CDH19: variants seen among roughly 807,000 people sequenced by gnomAD.
The protein encoded by CDH19 is cadherin 19.
CDH19 carries 67 observed loss-of-function variants against 64.2 expected under a neutral mutation model. The ratio of observed to expected loss-of-function variants is 1.04; its 90% confidence interval spans 0.86 to 1.28. The LOEUF is 1.28. CDH19 is among the 50% of genes most tolerant of loss of function. The pLI is 0.00. For synonymous variants in CDH19, 346 were observed against 319.3 expected, an observed-to-expected ratio of 1.08 and a Z score of -0.89; for missense variants, 1,030 against 929.0, an observed-to-expected ratio of 1.11 and a Z score of -1.41.
chr18:66,601,587 G>C (rs1989038357), intron 1 of CDH19, among the ~76,000 whole-genome samples: 1 of 151,934 alleles, frequency 6.6e-6, no homozygotes, highest in African/African-American at 2.4e-5. Context: ...TTAATCTTAA[G>C]ACATACTTGG....
intron 4 of CDH19, among the ~76,000 whole-genome samples, chr18:66,552,458 G>A: frequency 7.8e-6 from 1 of 127,504 alleles, no homozygotes; most frequent in South Asian, 2.5e-4. Flanking sequence ...TTTAGTTGCG[G>A]ACTAAAGTGT....
Position 66,504,789 on chromosome 18 carries a change from A to T in CDH19, c.*23T>A. On this transcript the variant is annotated 3_prime_UTR_variant, in exon 12 of 12. Transcript: ENST00000262150. ...GGTTCGAATACACATTAGCACTTTT[A>T]AAAATTTTGATGGTAAAAAGCCCTA... The T allele has an allele frequency of 6.4e-7, 1 of 1,571,832 alleles. No individual in the cohort carries two copies. The highest frequency in any genetic ancestry group is 8.7e-7 in the Non-Finnish European group (1 of 1,155,968).
rs534007577 is a variant in CDH19 at position 66,600,370 on chromosome 18, T to A, written c.-113+3584A>T. Among the ~76,000 whole-genome samples the A allele has an allele frequency of 4.5e-4, 68 of 151,942 alleles. 1 individual carries two copies. The highest frequency in any genetic ancestry group is 1.5e-3 in the African/African-American group (64 of 41,546). On this transcript the variant is annotated intron_variant, in intron 1 of 11. Coordinates refer to ENST00000262150, the MANE Select transcript of CDH19 (RefSeq NM_021153.4). ...ATATTTAAGGGTCAGTTAAGTAATG[T>A]CTTGCTGAGATTTTTAATATTTAAC...
At chr18:66,580,909 C>A (rs11877408) in intron 1 of CDH19, among the ~76,000 whole-genome samples, 51,469 of 151,848 alleles carry the variant, frequency 0.34, 9,548 homozygotes, top group South Asian at 0.48. Flanking sequence ...TCACATAATG[C>A]TCCACTTCTG....
At chr18:66,548,080 TATAA>T (rs1233438072) in intron 5 of CDH19, among the ~76,000 whole-genome samples, 1 of 146,916 alleles carries the variant, frequency 6.8e-6, no homozygotes, top group Non-Finnish European at 1.5e-5. Context: ...GTATATTATA[TATAA>T]ATATATTATA....
At chr18:66,533,063 A>C (rs1484244052) in intron 8 of CDH19, among the ~76,000 whole-genome samples, 3 of 151,980 alleles carry the variant, frequency 2.0e-5, no homozygotes, top group Non-Finnish European at 4.4e-5. Flanking sequence ...CCAGTAATAA[A>C]ATTTTTCTCT....
At chr18:66,511,878 C>T (rs1480804975) in intron 9 of CDH19, among the ~76,000 whole-genome samples, 193 bp from the exon 10 acceptor site, 1 of 151,304 alleles carries the variant, frequency 6.6e-6, no homozygotes, top group Non-Finnish European at 1.5e-5. Flanking sequence ...TTCCTTTTTT[C>T]AAAGAGTGTT....
At chr18:66,587,106 G>A (rs1988600530) in intron 1 of CDH19, among the ~76,000 whole-genome samples, 1 of 152,124 alleles carries the variant, frequency 6.6e-6, no homozygotes, top group South Asian at 2.1e-4. Flanking sequence ...TCTTGAAGGT[G>A]ATATTTCATC....
intron 4 of CDH19, 47 bp downstream of exon 4, chr18:66,554,358 C>G: frequency 9.4e-6 from 15 of 1,595,628 alleles, no homozygotes; most frequent in Non-Finnish European, 1.3e-5. Context: ...CTGACAATTG[C>G]CTTCTTTAGA....
At chr18:66,547,463 G>A (rs1012368333) in intron 5 of CDH19, among the ~76,000 whole-genome samples, 2 of 151,982 alleles carry the variant, frequency 1.3e-5, no homozygotes, top group Non-Finnish European at 2.9e-5. Flanking sequence ...GTTGACCTGG[G>A]TATGGCTACC....
At chr18:66,585,442 TCA>T (rs1333113305) in intron 1 of CDH19, among the ~76,000 whole-genome samples, 2 of 151,992 alleles carry the variant, frequency 1.3e-5, no homozygotes, top group Non-Finnish European at 2.9e-5. Flanking sequence ...GCTAGTTCCA[TCA>T]CCTTGGACGA....
At chr18:66,561,784 C>T (rs1987732367) in intron 3 of CDH19, among the ~76,000 whole-genome samples, 1 of 151,994 alleles carries the variant, frequency 6.6e-6, no homozygotes, top group South Asian at 2.1e-4. Flanking sequence ...ATTAGAGTAG[C>T]TTATCAGTTC....
intron 4 of CDH19, among the ~76,000 whole-genome samples, chr18:66,552,231 T>C (rs1320613586): frequency 6.6e-6 from 1 of 151,938 alleles, no homozygotes; most frequent in Non-Finnish European, 1.5e-5. Flanking sequence ...AATTAAAGAA[T>C]ACAATAAACT....
At chr18:66,505,738 CAACAG>C (rs1053367703) in intron 11 of CDH19, among the ~76,000 whole-genome samples, 2 of 151,478 alleles carry the variant, frequency 1.3e-5, no homozygotes. Context: ...TAGTTCAGAA[CAACAG>C]AACAGTTTGA....
At chr18:66,525,347 A>T (rs1986180386) in intron 9 of CDH19, among the ~76,000 whole-genome samples, 1 of 152,126 alleles carries the variant, frequency 6.6e-6, no homozygotes, top group African/African-American at 2.4e-5. Flanking sequence ...ATTACCTTTG[A>T]AAGCATTTTT....
At chr18:66,598,515 G>T (rs2144645228) in intron 1 of CDH19, among the ~76,000 whole-genome samples, 1 of 152,178 alleles carries the variant, frequency 6.6e-6, no homozygotes, top group South Asian at 2.1e-4. Flanking sequence ...CCATAAAAAT[G>T]AGATCATGTC....
At chr18:66,527,284 T>C (rs544548586) in intron 9 of CDH19, among the ~76,000 whole-genome samples, 1 of 152,132 alleles carries the variant, frequency 6.6e-6, no homozygotes, top group South Asian at 2.1e-4. Flanking sequence ...TTACAAAACA[T>C]ACAAAATTGT....
At chr18:66,552,225 A>C in intron 4 of CDH19, among the ~76,000 whole-genome samples, 1 of 152,180 alleles carries the variant, frequency 6.6e-6, no homozygotes, top group South Asian at 2.1e-4. Flanking sequence ...AAAGTAAATT[A>C]AAGAATACAA....
chr18:66,507,202 C>T (rs941394937), intron 11 of CDH19, among the ~76,000 whole-genome samples: 1 of 151,802 alleles, frequency 6.6e-6, no homozygotes, highest in Admixed American at 6.6e-5. Flanking sequence ...AGCTATGTAG[C>T]TATGAATTCA....
Sources: gnomAD v4.1 joint callset for allele counts (sites outside exome capture counted in the v4.1 genomes callset) on GRCh38, gnomAD v4.1.1 for gene constraint, MANE v1.5 for transcripts, NCBI Gene and HGNC (gene_info 2026-07-23, HGNC 2026-07-21) for gene names.